The following ADCY8 variants were observed in gnomAD, a reference collection of about 807,000 sequenced individuals.
The protein encoded by ADCY8 is adenylate cyclase type 8.
Under a neutral mutation model 119.7 loss-of-function variants are expected in ADCY8, and 51 were observed. The observed-to-expected ratio is 0.43, with a 90% confidence interval of 0.34 to 0.54. The LOEUF (loss-of-function observed/expected upper bound fraction) is 0.54, where lower values mean the gene tolerates loss of function less well. Among genes scored for constraint, ADCY8 ranks in the 20% least tolerant of loss-of-function variants. ADCY8 has a pLI of 0.03. For synonymous variants in ADCY8, 665 were observed against 651.0 expected, an observed-to-expected ratio of 1.02 and a Z score of -0.33; for missense variants, 1,383 against 1,598.8, an observed-to-expected ratio of 0.87 and a Z score of 2.30.
At chr8:130,899,919 G>GA (rs1563720031) in intron 7 of ADCY8, among the ~76,000 whole-genome samples, 4 of 152,132 alleles carry the variant, frequency 2.6e-5, no homozygotes, top group Non-Finnish European at 5.9e-5. Context: ...CCCCATATGT[G>GA]AAATTTTTCA....
chr8:130,824,418 G>A (rs949611688), intron 12 of ADCY8, among the ~76,000 whole-genome samples: 1 of 152,146 alleles, frequency 6.6e-6, no homozygotes, highest in South Asian at 2.1e-4. Context: ...GTGAAGACTA[G>A]CTATCAATTC....
In ADCY8 at chr8:130,909,905, C is replaced by T. The variant is rs1179366150; in HGVS notation, c.1482-39G>A. The T allele has an allele frequency of 7.5e-6, 12 of 1,594,850 alleles. No homozygotes were observed. The East Asian group carries it at 1.8e-4, about 24-fold the overall frequency. ...TAAATGGAGAGACACATGTATAAGACCAGAGTGGGCATCGTTGGCTCTGCA... is the reference window on the plus strand; with the variant it reads ...TAAATGGAGAGACACATGTATAAGATCAGAGTGGGCATCGTTGGCTCTGCA... On this transcript the variant is annotated intron_variant, in intron 5 of 17. Transcript: ENST00000286355.
At chr8:131,003,826 G>A (rs75338326) in intron 1 of ADCY8, among the ~76,000 whole-genome samples, 3,274 of 152,138 alleles carry the variant, frequency 0.022, 139 homozygotes, top group African/African-American at 0.073. Context: ...CAGATTATGG[G>A]TGAGCTAAGA....
At chr8:130,971,908 A>G (rs1394204578) in intron 2 of ADCY8, among the ~76,000 whole-genome samples, 1 of 152,260 alleles carries the variant, frequency 6.6e-6, no homozygotes, top group Non-Finnish European at 1.5e-5. Context: ...GGGAATATCA[A>G]CTTCATCTTG....
At chr8:130,855,674 G>C (rs1309542431) in intron 9 of ADCY8, among the ~76,000 whole-genome samples, 2 of 151,410 alleles carry the variant, frequency 1.3e-5, no homozygotes, top group Non-Finnish European at 1.5e-5. Context: ...CTCCTGTCCA[G>C]TGCCAAGTCC....
At chr8:130,943,879 C>T (rs757977575) in intron 3 of ADCY8, among the ~76,000 whole-genome samples, 10 of 152,230 alleles carry the variant, frequency 6.6e-5, no homozygotes, top group African/African-American at 1.9e-4. Flanking sequence ...GGGGCAGAAC[C>T]GAAAACCTCA....
At chr8:130,996,484 A>T (rs76656672) in intron 1 of ADCY8, among the ~76,000 whole-genome samples, 1,595 of 152,236 alleles carry the variant, frequency 0.01, 33 homozygotes, top group African/African-American at 0.036. Context: ...GAAAAACCCA[A>T]CTGCAAAACT....
chr8:130,870,353 A>G (rs141353817), intron 8 of ADCY8, among the ~76,000 whole-genome samples: 1,751 of 152,180 alleles, frequency 0.012, 43 homozygotes, highest in African/African-American at 0.04. Flanking sequence ...CATCATGAAC[A>G]TCACCACCTG....
intron 5 of ADCY8, among the ~76,000 whole-genome samples, chr8:130,930,965 T>C (rs2130609461): frequency 6.6e-6 from 1 of 152,308 alleles, no homozygotes; most frequent in African/African-American, 2.4e-5. Context: ...TTTGGAGTTG[T>C]CCCATAAATC....
chr8:130,860,557 T>G (rs62518092), intron 9 of ADCY8, among the ~76,000 whole-genome samples: 24,883 of 152,170 alleles, frequency 0.16, 2,449 homozygotes, highest in Non-Finnish European at 0.22. Flanking sequence ...CATTTTGTGT[T>G]AATTTTTGTG....
Position 130,909,839 on chromosome 8 carries a change from A to G in ADCY8, c.1509T>C (p.Asp503=), listed in dbSNP as rs1429656335. 3.7e-6 allele frequency: 6 copies of G among 1,614,006 alleles called. No homozygotes were observed. The highest frequency in any genetic ancestry group is 2.2e-5 in the East Asian group (1 of 44,888). ...AGTGGATTCCAATCCTCATGTCAACATCGTGTTTTGTCCTTGACCGCACAT... is the reference window on the plus strand; with the variant it reads ...AGTGGATTCCAATCCTCATGTCAACGTCGTGTTTTGTCCTTGACCGCACAT... ...IRYVRSRTKH[D]VDMRIGIHSG... The change falls in exon 6 of 18, where the codon GAT becomes GAC. Residue 503 remains aspartate, a synonymous_variant. Transcript: ENST00000286355.
intron 12 of ADCY8, among the ~76,000 whole-genome samples, chr8:130,833,002 T>C (rs1816884031): frequency 6.6e-6 from 1 of 152,338 alleles, no homozygotes; most frequent in Non-Finnish European, 1.5e-5. Flanking sequence ...AAATTGTAGA[T>C]GGTTTTACTT....
At chr8:130,983,415 G>A (rs1033077042) in intron 2 of ADCY8, among the ~76,000 whole-genome samples, 8 of 152,172 alleles carry the variant, frequency 5.3e-5, no homozygotes, top group African/African-American at 1.9e-4. Context: ...AGGGTAATGA[G>A]TCTGTTGATG....
At chr8:130,988,139 A>G (rs1333542312) in intron 2 of ADCY8, among the ~76,000 whole-genome samples, 2 of 152,226 alleles carry the variant, frequency 1.3e-5, no homozygotes, top group Non-Finnish European at 1.5e-5. Context: ...AATCCAGGGC[A>G]ATCTCATTTG....
chr8:130,986,487 G>C (rs1161136082), intron 2 of ADCY8, among the ~76,000 whole-genome samples: 1 of 152,222 alleles, frequency 6.6e-6, no homozygotes, highest in African/African-American at 2.4e-5. Context: ...GAGAAGCACA[G>C]AGTAGTATAT....
At chr8:130,847,400 C>A (rs374795546) in intron 11 of ADCY8, 24 bp downstream of exon 11, 12 of 1,557,540 alleles carry the variant, frequency 7.7e-6, no homozygotes, top group Non-Finnish European at 1.1e-5. Flanking sequence ...CAACTCTCAC[C>A]AAGGGGAGCT....
At chr8:130,943,557 A>G in intron 3 of ADCY8, 95 bp from the exon 4 acceptor site, 1 of 747,574 alleles carries the variant, frequency 1.3e-6, no homozygotes. Context: ...CAGCAGATAA[A>G]CTGTCTTTGT....
chr8:131,019,108 A>T lies in ADCY8; in HGVS notation c.960+20266T>A, dbSNP rs530765807. On this transcript the variant is annotated intron_variant, in intron 1 of 17. Transcript: ENST00000286355. ...AGAAAGAGGAATATGATGGTATGAA[A>T]TTGACGGTATTGTTGGTATTAATGA... 2.0e-5 allele frequency among the ~76,000 whole-genome samples: 3 copies of T among 152,300 alleles called. No homozygotes were observed. In the East Asian group the frequency reaches 5.8e-4, roughly 29 times the overall value.
chr8:130,936,073 ATGTGTGTGTGTGTGTGTGTG>A (rs35028784), intron 5 of ADCY8, among the ~76,000 whole-genome samples: 2 of 147,068 alleles, frequency 1.4e-5, no homozygotes, highest in Admixed American at 6.7e-5. Context: ...AAGCACTGAC[ATGTGTGTGTGTGTGTGTGTG>A]TGTGTGTGTG....
Sources: allele counts gnomAD v4.1 joint callset (sites outside exome capture counted in the v4.1 genomes callset), GRCh38; gene constraint gnomAD v4.1.1; transcripts MANE v1.5; gene names NCBI Gene and HGNC (gene_info 2026-07-23, HGNC 2026-07-21).